Variants in RFX3 observed in about 807,000 individuals in gnomAD.
RFX3 encodes transcription factor RFX3.
Under a neutral mutation model 98.6 loss-of-function variants are expected in RFX3, and 14 were observed. That is an observed-to-expected ratio of 0.14 (90% confidence interval 0.09 to 0.22). RFX3 has a LOEUF of 0.22. Among genes scored for constraint, RFX3 ranks in the 10% least tolerant of loss-of-function variants. The pLI is 1.00. For synonymous variants in RFX3, 383 were observed against 328.4 expected, an observed-to-expected ratio of 1.17 and a Z score of -1.80; for missense variants, 639 against 926.9, an observed-to-expected ratio of 0.69 and a Z score of 4.03.
At chr9:3,321,378 C>T (rs1831300766) in intron 4 of RFX3, among the ~76,000 whole-genome samples, 1 of 152,124 alleles carries the variant, frequency 6.6e-6, no homozygotes, top group Non-Finnish European at 1.5e-5. Context: ...CAATTCTGTG[C>T]CAATTTAGAT....
rs1054673131 is a variant in RFX3 at position 3,257,163 on chromosome 9, T to C, written c.1642A>G (p.Met548Val). 3.7e-6 allele frequency: 6 copies of C among 1,613,840 alleles called. No homozygotes were observed. In the African/African-American group the frequency reaches 4.0e-5, roughly 11 times the overall value. Residue 548 changes from methionine (M) to valine (V), a missense_variant, in exon 14 of 17, where the codon ATG becomes GTG. By Grantham distance (21) the Met-to-Val change is conservative. This residue lies in a region of RFX3 where 138 missense variants were observed against 308.9 expected (regional missense o/e 0.45). Coordinates refer to ENST00000617270, the MANE Select transcript of RFX3 (RefSeq NM_001282116.2). Reference sequence around the variant, plus strand: ...AAGTCTGTTTCTAGTCTCTGAACCATGTTGTCATCACACTGGCACACCCAG... The same window carrying C: ...AAGTCTGTTTCTAGTCTCTGAACCACGTTGTCATCACACTGGCACACCCAG... ...ASWVCQCDDN[M>V]VQRLETDFKM...
intron 1 of RFX3, among the ~76,000 whole-genome samples, chr9:3,397,618 A>G (rs1841027925): frequency 1.3e-5 from 2 of 152,212 alleles, no homozygotes; most frequent in Non-Finnish European, 2.9e-5. Flanking sequence ...TGACAGGAGT[A>G]GACTTGGGAC....
intron 7 of RFX3, among the ~76,000 whole-genome samples, chr9:3,282,528 T>G (rs894325964): frequency 6.6e-6 from 1 of 151,750 alleles, no homozygotes; most frequent in Non-Finnish European, 1.5e-5. Context: ...TTCATTCATT[T>G]AACAAATATT....
chr9:3,238,980 G>T lies in RFX3; in HGVS notation c.1968+9052C>A, dbSNP rs539533612. Among the ~76,000 whole-genome samples the T allele has an allele frequency of 5.5e-5, 8 of 145,036 alleles. No individual in the cohort carries two copies. In the South Asian group the frequency reaches 1.7e-3, roughly 32 times the overall value. On this transcript the variant is annotated intron_variant, in intron 15 of 16. Transcript: ENST00000617270. ...CATTGCACTCCAGCCTGGGCAACAA[G>T]AGCAAAATTCCATCTCAAAGAAAAA...
chr9:3,397,105 A>G (rs1587504248), intron 1 of RFX3, among the ~76,000 whole-genome samples: 1 of 152,340 alleles, frequency 6.6e-6, no homozygotes, highest in South Asian at 2.1e-4. Context: ...AAAGACATGT[A>G]CTTTCTCTCA....
At chr9:3,376,225 T>A (rs1305774114) in intron 2 of RFX3, among the ~76,000 whole-genome samples, 1 of 152,212 alleles carries the variant, frequency 6.6e-6, no homozygotes, top group South Asian at 2.1e-4. Context: ...AACTCTCATA[T>A]ACTGCTGGTG....
intron 14 of RFX3, among the ~76,000 whole-genome samples, chr9:3,255,094 G>T (rs2131079443): frequency 6.6e-6 from 1 of 152,280 alleles, no homozygotes; most frequent in East Asian, 1.9e-4. Context: ...CTATTTTCAG[G>T]ACGTAAGGAT....
intron 1 of RFX3, among the ~76,000 whole-genome samples, chr9:3,524,866 CACACACA>C (rs1819079867): frequency 7.2e-6 from 1 of 139,442 alleles, no homozygotes; most frequent in South Asian, 2.3e-4. Context: ...CACACACACA[CACACACA>C]CACACCAAAG....
chr9:3,341,872 A>C (rs183827166), intron 3 of RFX3, among the ~76,000 whole-genome samples: 25 of 152,368 alleles, frequency 1.6e-4, no homozygotes, highest in Admixed American at 1.2e-3. Flanking sequence ...GCACCTCTGC[A>C]TCTCAATTAC....
At chr9:3,403,314 G>C (rs1366316572) in intron 1 of RFX3, among the ~76,000 whole-genome samples, 9 of 152,000 alleles carry the variant, frequency 5.9e-5, no homozygotes, top group Admixed American at 5.9e-4. Context: ...AGTAAATGAG[G>C]AATGTAAAAA....
intron 1 of RFX3, among the ~76,000 whole-genome samples, chr9:3,428,191 A>C (rs1844299826): frequency 6.6e-6 from 1 of 152,192 alleles, no homozygotes; most frequent in Non-Finnish European, 1.5e-5. Flanking sequence ...TCAAGGCATT[A>C]CATCAAGGCA....
chr9:3,502,804 T>C (rs1239121062), intron 1 of RFX3, among the ~76,000 whole-genome samples: 2 of 152,164 alleles, frequency 1.3e-5, no homozygotes, highest in African/African-American at 2.4e-5. Context: ...TCTATGTCGG[T>C]TCTCTTTCCA....
chr9:3,244,925 G>T (rs1820445860), intron 15 of RFX3, among the ~76,000 whole-genome samples: 1 of 152,108 alleles, frequency 6.6e-6, no homozygotes, highest in African/African-American at 2.4e-5. Flanking sequence ...TAGAGTATCT[G>T]CACAATAAAA....
At chr9:3,319,988 T>A (rs529923755) in intron 4 of RFX3, among the ~76,000 whole-genome samples, 1 of 152,320 alleles carries the variant, frequency 6.6e-6, no homozygotes, top group East Asian at 1.9e-4. Context: ...CTGTCTAAAC[T>A]TTCAACAGTC....
intron 1 of RFX3, among the ~76,000 whole-genome samples, chr9:3,413,072 C>T (rs559699004): frequency 3.0e-4 from 45 of 151,950 alleles, no homozygotes; most frequent in Admixed American, 1.2e-3. Context: ...AAACCTCTCT[C>T]CTTGAGAAAT....
intron 1 of RFX3, among the ~76,000 whole-genome samples, chr9:3,468,815 G>GAAAAAAAAAAA (rs34057815): frequency 8.3e-5 from 7 of 84,264 alleles, no homozygotes; most frequent in East Asian, 2.6e-4. Context: ...TTTTCCTTTT[G>GAAAAAAAAAAA]AAAAAAAAAA....
chr9:3,232,117 TG>T (rs902341491), intron 15 of RFX3, among the ~76,000 whole-genome samples: 7 of 151,020 alleles, frequency 4.6e-5, no homozygotes, highest in African/African-American at 1.7e-4. Flanking sequence ...AAGATTTAGA[TG>T]AAAAAAAAAG....
chr9:3,525,540 C>T (rs1220373309), intron 1 of RFX3, among the ~76,000 whole-genome samples: 1 of 151,900 alleles, frequency 6.6e-6, no homozygotes, highest in Non-Finnish European at 1.5e-5. Context: ...ACCCCCGACC[C>T]AGCCGCGGCG....
intron 1 of RFX3, among the ~76,000 whole-genome samples, chr9:3,451,555 G>C (rs1846640555): frequency 6.6e-6 from 1 of 152,000 alleles, no homozygotes; most frequent in Non-Finnish European, 1.5e-5. Flanking sequence ...TAATAAATAA[G>C]TTTTGACTGA....
Sources: gnomAD v4.1 joint callset for allele counts (sites outside exome capture counted in the v4.1 genomes callset) on GRCh38, gnomAD v4.1.1 for gene constraint, gnomAD v4.1.1 regional missense constraint, MANE v1.5 for transcripts, NCBI Gene and HGNC (gene_info 2026-07-23, HGNC 2026-07-21) for gene names.